The following ARNT2 variants were observed in gnomAD, a reference collection of about 807,000 sequenced individuals.
ARNT2 encodes the protein aryl hydrocarbon receptor nuclear translocator 2.
Under a neutral mutation model 91.7 loss-of-function variants are expected in ARNT2, and 36 were observed. That is an observed-to-expected ratio of 0.39 (90% CI 0.30 to 0.52). The LOEUF (loss-of-function observed/expected upper bound fraction) is 0.52. Among genes scored for constraint, ARNT2 ranks in the 20% least tolerant of loss-of-function variants. ARNT2 has a pLI of 0.72. For synonymous variants in ARNT2, 365 were observed against 347.1 expected (o/e 1.05, Z -0.57); for missense variants, 775 against 939.3 (o/e 0.83, Z 2.29).
At chr15:80,552,499 G>T in intron 9 of ARNT2, 141 bp from the exon 10 acceptor site, 3 of 1,054,298 alleles carry the variant, frequency 2.8e-6, no homozygotes, top group Non-Finnish European at 4.0e-6. Flanking sequence ...ATAGATATTT[G>T]AACACTTTAG....
chr15:80,412,889 G>GA (rs1438797652), intron 1 of ARNT2, among the ~76,000 whole-genome samples: 2 of 152,208 alleles, frequency 1.3e-5, no homozygotes, highest in East Asian at 3.8e-4. Flanking sequence ...GATTTATCTG[G>GA]AGTCCCCAGC....
chr15:80,515,075 C>T (rs140470306), intron 8 of ARNT2, among the ~76,000 whole-genome samples: 70 of 152,256 alleles, frequency 4.6e-4, no homozygotes, highest in Non-Finnish European at 9.1e-4. Flanking sequence ...TGAGATACAT[C>T]GTATTCTCAC....
chr15:80,571,767 T>C (rs1465888825), intron 12 of ARNT2, among the ~76,000 whole-genome samples: 1 of 152,238 alleles, frequency 6.6e-6, no homozygotes, highest in Non-Finnish European at 1.5e-5. Flanking sequence ...GTATAACAAC[T>C]ATGAAAGCTT....
chr15:80,581,467 T>C (rs1050097424), intron 17 of ARNT2, 63 bp downstream of exon 17: 7 of 1,596,428 alleles, frequency 4.4e-6, no homozygotes, highest in Non-Finnish European at 6.0e-6. Context: ...CTGAACAGCC[T>C]GAATTCAGGA....
chr15:80,592,996 TCA>T (rs1175699785), intron 18 of ARNT2, among the ~76,000 whole-genome samples: 1 of 152,232 alleles, frequency 6.6e-6, no homozygotes, highest in Non-Finnish European at 1.5e-5. Context: ...AATTCTTTTC[TCA>T]CAGAGTATCA....
At chr15:80,506,852 G>A (rs539188038) in intron 5 of ARNT2, among the ~76,000 whole-genome samples, 1 of 152,292 alleles carries the variant, frequency 6.6e-6, no homozygotes, top group African/African-American at 2.4e-5. Flanking sequence ...AGGATAGGCT[G>A]GAGAAGGTGG....
chr15:80,530,128 G>A lies in ARNT2; in HGVS notation c.877+15723G>A, dbSNP rs968801056. Reference sequence around the variant, plus strand: ...GCTCAACTTCGAGAGGTCACTATGTGGTTGTCCACTTTTGAGAGTTGAGAA... The same window carrying A: ...GCTCAACTTCGAGAGGTCACTATGTAGTTGTCCACTTTTGAGAGTTGAGAA... On this transcript the variant is annotated intron_variant, in intron 8 of 18. Coordinates refer to ENST00000303329, the MANE Select transcript of ARNT2 (RefSeq NM_014862.4). Among the ~76,000 whole-genome samples the A allele has an allele frequency of 9.9e-5, 15 of 152,184 alleles. 2 individuals are homozygous for A. The highest frequency in any genetic ancestry group is 2.0e-4 in the Admixed American group (3 of 15,282).
Position 80,514,230 on chromosome 15 carries a change from G to GA in ARNT2, c.792-88dup, listed in dbSNP as rs1358970206. On this transcript the variant is annotated intron_variant, in intron 7 of 18. Coordinates refer to ENST00000303329, the MANE Select transcript of ARNT2 (RefSeq NM_014862.4). Reference sequence around the variant, plus strand: ...TTCAAAACCACAAAGGCAGACAAGGGAACCCAGTAGCTTAGATGCCAGAGG... The same window carrying GA: ...TTCAAAACCACAAAGGCAGACAAGGGAAACCCAGTAGCTTAGATGCCAGAGG... 4.4e-6 allele frequency: 6 copies of GA among 1,350,012 alleles called. No homozygotes were observed. The African/African-American group carries it at 5.8e-5, about 13-fold the overall frequency. 83.6% of individuals were successfully genotyped at this position (1,350,012 alleles called of 1,614,324 possible).
intron 1 of ARNT2, among the ~76,000 whole-genome samples, chr15:80,406,541 T>C (rs1310430688): frequency 6.6e-6 from 1 of 152,236 alleles, no homozygotes; most frequent in African/African-American, 2.4e-5. Flanking sequence ...CAGGACATCA[T>C]TGTTTAAAAC....
chr15:80,431,028 T>G (rs538462439), intron 1 of ARNT2, among the ~76,000 whole-genome samples: 1 of 152,056 alleles, frequency 6.6e-6, no homozygotes, highest in Non-Finnish European at 1.5e-5. Flanking sequence ...CTATCTTCAT[T>G]TATATCCTTC....
chr15:80,514,846 A>G (rs1020056530), intron 8 of ARNT2, among the ~76,000 whole-genome samples: 1 of 152,170 alleles, frequency 6.6e-6, no homozygotes, highest in Non-Finnish European at 1.5e-5. Flanking sequence ...AGATTTCGCC[A>G]CTGTATTCCA....
At chr15:80,430,019 G>A (rs1895986641) in intron 1 of ARNT2, among the ~76,000 whole-genome samples, 4 of 152,160 alleles carry the variant, frequency 2.6e-5, no homozygotes, top group Admixed American at 2.6e-4. Context: ...GCAGCCTGGG[G>A]ATGAAAGTGC....
At position 80,574,142 on chromosome 15, in the gene ARNT2, T is replaced by G; in HGVS notation, c.1317-6T>G. The stretch of plus-strand genomic sequence containing the variant: ...CATGACCCTCTGTTGTCTTCTTGTT[T>G]CACAGGCAACTTCAGCAACAGCAGG... On this transcript the variant is annotated splice_polypyrimidine_tract_variant and splice_region_variant and intron_variant, in intron 12 of 18. Coordinates refer to ENST00000303329, the MANE Select transcript of ARNT2 (RefSeq NM_014862.4). 1 of 1,614,100 alleles carries G rather than the reference T, an allele frequency of 6.2e-7. No individual in the cohort carries two copies. Among genetic ancestry groups the G allele is most frequent in the Non-Finnish European group, 8.5e-7 (1 of 1,179,910 alleles).
intron 1 of ARNT2, among the ~76,000 whole-genome samples, chr15:80,424,216 G>A (rs907374983): frequency 1.3e-5 from 2 of 152,192 alleles, no homozygotes; most frequent in African/African-American, 4.8e-5. Context: ...TGGGCCGCAA[G>A]GACTGTGGGT....
At chr15:80,575,168 C>T in intron 14 of ARNT2, 58 bp downstream of exon 14, 2 of 1,594,648 alleles carry the variant, frequency 1.3e-6, no homozygotes, top group Non-Finnish European at 8.6e-7. Flanking sequence ...TGCTTTCAGG[C>T]CATCTACAGA....
chr15:80,539,818 A>T (rs914713853), intron 8 of ARNT2, among the ~76,000 whole-genome samples: 1 of 151,844 alleles, frequency 6.6e-6, no homozygotes, highest in African/African-American at 2.4e-5. Context: ...ATGCAAACCA[A>T]AATCACAATG....
At chr15:80,479,344 T>C (rs1051297450) in intron 5 of ARNT2, among the ~76,000 whole-genome samples, 1 of 152,242 alleles carries the variant, frequency 6.6e-6, no homozygotes, top group Non-Finnish European at 1.5e-5. Flanking sequence ...TGAAAGGTTA[T>C]ATACAGTCTC....
intron 4 of ARNT2, 31 bp downstream of exon 4, chr15:80,470,462 GC>G (rs1390041733): frequency 1.9e-6 from 3 of 1,604,884 alleles, no homozygotes; most frequent in East Asian, 2.2e-5. Flanking sequence ...CCATTGGAAA[GC>G]GGGGGGAATC....
intron 8 of ARNT2, among the ~76,000 whole-genome samples, chr15:80,541,221 T>G (rs1049807741): frequency 6.6e-6 from 1 of 152,214 alleles, no homozygotes; most frequent in Non-Finnish European, 1.5e-5. Context: ...TTTTGTTTGA[T>G]ATTTCTCTGA....
Sources: gnomAD v4.1 joint callset for allele counts (sites outside exome capture counted in the v4.1 genomes callset) on GRCh38, gnomAD v4.1.1 for gene constraint, MANE v1.5 for transcripts, NCBI Gene and HGNC (gene_info 2026-07-23, HGNC 2026-07-21) for gene names.